ANKRD44: variants seen among roughly 807,000 people sequenced by gnomAD.
ANKRD44 encodes ankyrin repeat domain 44.
Under a neutral mutation model 116.0 loss-of-function variants are expected in ANKRD44, and 35 were observed. The observed-to-expected ratio is 0.30, with a 90% CI of 0.23 to 0.40. ANKRD44 has a LOEUF of 0.40. Ranked by LOEUF, ANKRD44 falls within the 10% of genes least tolerant of loss-of-function variation. The pLI is 1.00. For synonymous variants in ANKRD44, 435 were observed against 461.8 expected (o/e 0.94, Z 0.74); for missense variants, 1,014 against 1,242.6 (o/e 0.82, Z 2.77).
chr2:197,068,415 A>AAT (rs2077488083), intron 16 of ANKRD44, among the ~76,000 whole-genome samples: 1 of 149,560 alleles, frequency 6.7e-6, no homozygotes, highest in Non-Finnish European at 1.5e-5. Flanking sequence ...AAAATAAAAA[A>AAT]AAATAAAACA....
chr2:197,129,338 G>A (rs2079047119), intron 4 of ANKRD44, among the ~76,000 whole-genome samples: 2 of 152,108 alleles, frequency 1.3e-5, no homozygotes, highest in Admixed American at 1.3e-4. Flanking sequence ...GTTTCACCAT[G>A]TTGGCCAGGC....
chr2:197,263,053 G>T, intron 1 of ANKRD44: 1 of 358,180 alleles, frequency 2.8e-6, no homozygotes, highest in Non-Finnish European at 5.3e-6. Context: ...TTTAAAAGGT[G>T]TTGTGTCTTC....
At chr2:197,098,915 C>T (rs2078226106) in intron 10 of ANKRD44, among the ~76,000 whole-genome samples, 1 of 152,196 alleles carries the variant, frequency 6.6e-6, no homozygotes. Flanking sequence ...GGGCTCCCAA[C>T]CACCCTGGGT....
intron 25 of ANKRD44, among the ~76,000 whole-genome samples, chr2:196,997,290 C>T (rs1321522214): frequency 6.6e-6 from 1 of 151,592 alleles, no homozygotes; most frequent in African/African-American, 2.4e-5. Flanking sequence ...AAAAGATGGC[C>T]CATTCCTAAG....
intron 1 of ANKRD44, among the ~76,000 whole-genome samples, chr2:197,303,985 A>G (rs1307926203): frequency 1.3e-5 from 2 of 152,206 alleles, no homozygotes; most frequent in African/African-American, 4.8e-5. Context: ...TATTGGTTAA[A>G]AGGTTAAAAA....
chr2:197,250,772 AG>A (rs1165409463), intron 1 of ANKRD44: 1 of 152,248 alleles, frequency 6.6e-6, no homozygotes, highest in Admixed American at 6.5e-5. Context: ...TGGTAGAAAT[AG>A]GATTTAAATC....
At chr2:197,153,949 T>C (rs2079731965) in intron 2 of ANKRD44, among the ~76,000 whole-genome samples, 1 of 152,066 alleles carries the variant, frequency 6.6e-6, no homozygotes, top group African/African-American at 2.4e-5. Context: ...GGTGTTGCAG[T>C]GTACACCTTT....
intron 13 of ANKRD44, among the ~76,000 whole-genome samples, chr2:197,084,473 T>G (rs905008182): frequency 6.6e-6 from 1 of 152,178 alleles, no homozygotes; most frequent in Non-Finnish European, 1.5e-5. Flanking sequence ...TCCTCCCCAC[T>G]GAACTGCAAG....
At chr2:197,146,572 G>C (rs955595918) in intron 3 of ANKRD44, among the ~76,000 whole-genome samples, 1 of 150,654 alleles carries the variant, frequency 6.6e-6, no homozygotes, top group Non-Finnish European at 1.5e-5. Context: ...TATAGAGAGA[G>C]AGTATATAGT....
At chr2:197,126,360 A>G (rs896655248) in intron 4 of ANKRD44, among the ~76,000 whole-genome samples, 1 of 152,220 alleles carries the variant, frequency 6.6e-6, no homozygotes, top group Non-Finnish European at 1.5e-5. Context: ...AAGTGTGCAT[A>G]CCAGGGTAAA....
chr2:197,049,412 T>C lies in ANKRD44; in HGVS notation c.1651-24145A>G, dbSNP rs553917082. Among the ~76,000 whole-genome samples the C allele has an allele frequency of 2.0e-5, 3 of 152,272 alleles. No individual in the cohort carries two copies. The East Asian group carries it at 5.8e-4, about 29-fold the overall frequency. The stretch of plus-strand genomic sequence containing the variant: ...CCATAACATTTACAAGTTCCCAGGA[T>C]ACCACAATGGAGGGTAACTGGAGAC... On this transcript the variant is annotated intron_variant, in intron 16 of 27. Transcript: ENST00000282272.
Position 197,001,746 on chromosome 2 carries a change from T to A in ANKRD44, c.2435+7A>T, listed in dbSNP as rs12478175. On this transcript the variant is annotated splice_region_variant and intron_variant, in intron 22 of 27. Coordinates refer to ENST00000282272, the MANE Select transcript of ANKRD44 (RefSeq NM_001195144.2). ...CAACATCATTAACTCTCAGCGTTTCTACTTACATTGCACAGTGCAGTGGAG... is the reference window on the plus strand; with the variant it reads ...CAACATCATTAACTCTCAGCGTTTCAACTTACATTGCACAGTGCAGTGGAG... 0.84 allele frequency: 1,334,039 copies of A among 1,593,518 alleles called. 565,677 individuals are homozygous for A. Among genetic ancestry groups the A allele is most frequent in the East Asian group, 0.97 (43,378 of 44,644 alleles).
At chr2:197,227,014 C>T (rs545359132) in intron 1 of ANKRD44, among the ~76,000 whole-genome samples, 1 of 152,200 alleles carries the variant, frequency 6.6e-6, no homozygotes, top group African/African-American at 2.4e-5. Context: ...GAGTTCACTG[C>T]TGTCAGGACA....
intron 4 of ANKRD44, chr2:197,135,750 C>T (rs922210615): frequency 6.5e-6 from 1 of 152,710 alleles, no homozygotes; most frequent in South Asian, 2.1e-4. Flanking sequence ...CACCAGCCTC[C>T]CGGCCCCTGC....
At chr2:197,158,862 G>A (rs2079886549) in intron 2 of ANKRD44, among the ~76,000 whole-genome samples, 1 of 152,134 alleles carries the variant, frequency 6.6e-6, no homozygotes, top group Admixed American at 6.5e-5. Context: ...CAGCCTTCAA[G>A]GGACAGGGTC....
chr2:197,298,719 A>G (rs1020254114), intron 1 of ANKRD44, among the ~76,000 whole-genome samples: 37 of 152,108 alleles, frequency 2.4e-4, no homozygotes, highest in Non-Finnish European at 4.1e-4. Context: ...GGAGTTCGAG[A>G]CCAGCCTGGG....
chr2:197,099,646 C>T, intron 10 of ANKRD44, 170 bp downstream of exon 10: 13 of 1,310,794 alleles, frequency 9.9e-6, no homozygotes, highest in Non-Finnish European at 1.3e-5. Flanking sequence ...TCTTCTTTGC[C>T]TCTGTCATTA....
At position 197,125,849 on chromosome 2, in the gene ANKRD44, G is replaced by A. The variant is rs374448820; in HGVS notation, c.450C>T (p.Asn150=). The A allele has an allele frequency of 1.6e-5, 26 of 1,614,016 alleles. No homozygotes were observed. The highest frequency in any genetic ancestry group is 8.3e-5 in the Admixed American group (5 of 60,030). ...GRTALHHAAL[N]GHVEMVNLLL... is the part of the protein sequence containing the mutation. ...TAAAAATACCCACCTCCACGTGGCC[G>A]TTCAGAGCCGCATGGTGCAAGGCTG... The change falls in exon 5 of 28, where the codon AAC becomes AAT. Residue 150 remains asparagine (N), a synonymous_variant. Transcript: ENST00000282272.
chr2:197,062,143 T>C (rs2077329494), intron 16 of ANKRD44, among the ~76,000 whole-genome samples: 1 of 152,214 alleles, frequency 6.6e-6, no homozygotes, highest in South Asian at 2.1e-4. Flanking sequence ...ATCCACTCTG[T>C]AACTTCAGAA....
Sources: gnomAD v4.1 joint callset for allele counts (sites outside exome capture counted in the v4.1 genomes callset) on GRCh38, gnomAD v4.1.1 for gene constraint, MANE v1.5 for transcripts, NCBI Gene and HGNC (gene_info 2026-07-23, HGNC 2026-07-21) for gene names.